FYB1: variants seen among roughly 807,000 people sequenced by gnomAD.
FYB1 encodes the protein FYN-binding protein 1.
In FYB1, 41 loss-of-function variants were observed where a neutral mutation model predicts 94.1. That is an observed-to-expected ratio of 0.44 (90% CI 0.34 to 0.57). The LOEUF is 0.57. Ranked by LOEUF, FYB1 falls within the 20% of genes least tolerant of loss-of-function variation. FYB1 has a pLI of 0.02. For synonymous variants in FYB1, 367 were observed against 353.2 expected (o/e 1.04, Z -0.44); for missense variants, 1,050 against 976.8 (o/e 1.07, Z -1.00).
chr5:39,240,984 G>T (rs1751179075), intron 1 of FYB1, among the ~76,000 whole-genome samples: 2 of 152,182 alleles, frequency 1.3e-5, no homozygotes, highest in African/African-American at 4.8e-5. Flanking sequence ...ATACTATGCA[G>T]CCATAAAAAA....
chr5:39,233,695 C>G (rs1196420463), intron 1 of FYB1, among the ~76,000 whole-genome samples: 2 of 152,004 alleles, frequency 1.3e-5, no homozygotes, highest in East Asian at 3.9e-4. Context: ...TAATAGAAAA[C>G]AGCTGTATCC....
chr5:39,243,689 T>C (rs1017334934), intron 1 of FYB1, among the ~76,000 whole-genome samples: 1 of 152,202 alleles, frequency 6.6e-6, no homozygotes, highest in African/African-American at 2.4e-5. Context: ...AAGTCATTGG[T>C]AGCTGGATGG....
At chr5:39,141,485 A>C (rs910606028) in intron 3 of FYB1, among the ~76,000 whole-genome samples, 2 of 152,154 alleles carry the variant, frequency 1.3e-5, no homozygotes, top group Non-Finnish European at 2.9e-5. Context: ...TATGGTACAC[A>C]CACAAAAGAG....
chr5:39,221,705 T>C (rs570522666), upstream of FYB1, among the ~76,000 whole-genome samples: 1 of 152,142 alleles, frequency 6.6e-6, no homozygotes, highest in South Asian at 2.1e-4. Flanking sequence ...CAAAACAAAA[T>C]AAAATAATCC....
intron 2 of FYB1, among the ~76,000 whole-genome samples, chr5:39,193,470 C>T (rs1579628496): frequency 6.6e-6 from 1 of 152,256 alleles, no homozygotes; most frequent in East Asian, 1.9e-4. Flanking sequence ...TAACATCATG[C>T]ATAAACTTCA....
At chr5:39,235,729 A>G (rs1750931814) in intron 1 of FYB1, among the ~76,000 whole-genome samples, 1 of 152,114 alleles carries the variant, frequency 6.6e-6, no homozygotes, top group South Asian at 2.1e-4. Flanking sequence ...CCTGTCTAAC[A>G]TACGACAACT....
At chr5:39,205,635 G>A (rs1748775803) in intron 1 of FYB1, among the ~76,000 whole-genome samples, 1 of 152,150 alleles carries the variant, frequency 6.6e-6, no homozygotes, top group Non-Finnish European at 1.5e-5. Context: ...CAATGTCCTG[G>A]CTTTGGTTTA....
upstream of FYB1, among the ~76,000 whole-genome samples, chr5:39,219,757 A>T (rs1435708556): frequency 6.6e-6 from 1 of 152,216 alleles, no homozygotes. Context: ...CCCACCAAGC[A>T]TGTGATATTT....
intron 1 of FYB1, among the ~76,000 whole-genome samples, chr5:39,248,082 A>G (rs1751564684): frequency 6.6e-6 from 1 of 152,180 alleles, no homozygotes; most frequent in Non-Finnish European, 1.5e-5. Flanking sequence ...GGAGAGAGTC[A>G]GGTGGAAGCA....
intron 14 of FYB1, among the ~76,000 whole-genome samples, chr5:39,120,551 G>A (rs531024009): frequency 6.6e-6 from 1 of 152,164 alleles, no homozygotes; most frequent in East Asian, 1.9e-4. Flanking sequence ...AATTTAGTCT[G>A]AGCAAGGTCC....
At chr5:39,121,930 A>G (rs969082728) in intron 14 of FYB1, among the ~76,000 whole-genome samples, 1 of 152,176 alleles carries the variant, frequency 6.6e-6, no homozygotes, top group South Asian at 2.1e-4. Context: ...CAAGAAAAAA[A>G]GGTTTGGGGA....
intron 2 of FYB1, among the ~76,000 whole-genome samples, chr5:39,159,457 T>C (rs7730608): frequency 0.98 from 148,960 of 152,198 alleles, 72,961 homozygotes; most frequent in Non-Finnish European, 1. Flanking sequence ...GTCATTTGCA[T>C]CTAAAGTAAA....
intron 12 of FYB1, 119 bp from the exon 13 acceptor site, chr5:39,124,397 G>C (rs1740431043): frequency 9.1e-6 from 5 of 552,130 alleles, no homozygotes; most frequent in South Asian, 3.2e-5. Context: ...TACTTCATCT[G>C]TTGACCATCA....
chr5:39,219,257 G>T (rs896523140), intron 1 of FYB1, among the ~76,000 whole-genome samples, 186 bp downstream of exon 1: 2 of 152,090 alleles, frequency 1.3e-5, no homozygotes, highest in Admixed American at 1.3e-4. Flanking sequence ...CATCCTTTTG[G>T]CTACCATGAG....
chr5:39,132,937 A>G (rs1269623759), intron 9 of FYB1, among the ~76,000 whole-genome samples: 1 of 152,212 alleles, frequency 6.6e-6, no homozygotes, highest in African/African-American at 2.4e-5. Context: ...CACTAGGTCG[A>G]TGTTTGACTA....
At chr5:39,118,147 T>C (rs1256827539) in intron 16 of FYB1, among the ~76,000 whole-genome samples, 1 of 152,086 alleles carries the variant, frequency 6.6e-6, no homozygotes, top group Admixed American at 6.6e-5. Flanking sequence ...CAAGCAATCA[T>C]CCTGCCTCAG....
At chr5:39,140,332 C>A (rs1298184478) in intron 4 of FYB1, among the ~76,000 whole-genome samples, 1 of 152,096 alleles carries the variant, frequency 6.6e-6, no homozygotes, top group East Asian at 1.9e-4. Context: ...AAGGTAGAAA[C>A]TGGCAACTTA....
chr5:39,187,756 C>T (rs1746971459), intron 2 of FYB1, among the ~76,000 whole-genome samples: 1 of 152,096 alleles, frequency 6.6e-6, no homozygotes, highest in South Asian at 2.1e-4. Flanking sequence ...AGACTGACAC[C>T]CAGTTATTCA....
At chr5:39,111,627 A>T (rs1264413690) in intron 16 of FYB1, among the ~76,000 whole-genome samples, 2 of 151,932 alleles carry the variant, frequency 1.3e-5, no homozygotes, top group African/African-American at 2.4e-5. Context: ...TTTAATAAAA[A>T]CAATTTATAA....
Sources: gnomAD v4.1 joint callset for allele counts (sites outside exome capture counted in the v4.1 genomes callset) on GRCh38, gnomAD v4.1.1 for gene constraint, MANE v1.5 for transcripts, NCBI Gene and HGNC (gene_info 2026-07-23, HGNC 2026-07-21) for gene names.